Variants in NELL2 observed in about 807,000 individuals in gnomAD.
NELL2 encodes the protein neural EGFL like 2.
In NELL2, 41 loss-of-function variants were observed where a neutral mutation model predicts 109.6. The ratio of observed to expected loss-of-function variants is 0.37; its 90% CI spans 0.29 to 0.49. NELL2 has a LOEUF of 0.49. NELL2 is among the 20% of genes least tolerant of loss of function. NELL2 has a pLI of 0.98. For synonymous variants in NELL2, 355 were observed against 344.7 expected (o/e 1.03, Z -0.33); for missense variants, 900 against 1,008.3 (o/e 0.89, Z 1.45).
intron 2 of NELL2, among the ~76,000 whole-genome samples, chr12:44,830,152 C>A (rs945164597): frequency 3.3e-5 from 5 of 152,100 alleles, no homozygotes; most frequent in Non-Finnish European, 7.4e-5. Context: ...AAAATAATGA[C>A]ATATAAAATA....
intron 19 of NELL2, among the ~76,000 whole-genome samples, chr12:44,515,889 C>G (rs181483927): frequency 6.6e-6 from 1 of 151,754 alleles, no homozygotes; most frequent in African/African-American, 2.4e-5. Context: ...TTTTTTAATC[C>G]TATTACTATT....
chr12:44,538,703 G>A (rs1404569744), intron 15 of NELL2, among the ~76,000 whole-genome samples: 2 of 152,006 alleles, frequency 1.3e-5, no homozygotes, highest in East Asian at 1.9e-4. Context: ...ATTTCAACTC[G>A]GGAAAAAGTG....
At chr12:44,523,046 C>T in intron 17 of NELL2, 1 of 517,394 alleles carries the variant, frequency 1.9e-6, no homozygotes, top group Non-Finnish European at 3.5e-6. Flanking sequence ...TTATATGAGG[C>T]TCTAGAAAAT....
chr12:44,837,986 T>C (rs1268610374), intron 2 of NELL2, among the ~76,000 whole-genome samples: 1 of 152,232 alleles, frequency 6.6e-6, no homozygotes, highest in Non-Finnish European at 1.5e-5. Flanking sequence ...ATGTGAACTA[T>C]GGCCTTTGTG....
At chr12:44,587,304 TATA>T (rs1195949564) in intron 15 of NELL2, among the ~76,000 whole-genome samples, 1 of 115,894 alleles carries the variant, frequency 8.6e-6, no homozygotes, top group African/African-American at 3.9e-5. Flanking sequence ...TATATATATA[TATA>T]TTTTTTTTTA....
At chr12:44,519,669 AT>A (rs1238865180) in intron 19 of NELL2, among the ~76,000 whole-genome samples, 1 of 152,240 alleles carries the variant, frequency 6.6e-6, no homozygotes, top group Non-Finnish European at 1.5e-5. Flanking sequence ...GTCTCCTATC[AT>A]GAAAGAAGAA....
intron 1 of NELL2, among the ~76,000 whole-genome samples, chr12:44,889,524 C>T (rs561995475): frequency 1.3e-5 from 2 of 152,102 alleles, no homozygotes; most frequent in South Asian, 2.1e-4. Flanking sequence ...TGGACCCAGC[C>T]GGTGAGCTGG....
chr12:44,775,645 T>G (rs1941729202), intron 8 of NELL2, among the ~76,000 whole-genome samples: 1 of 152,182 alleles, frequency 6.6e-6, no homozygotes, highest in African/African-American at 2.4e-5. Flanking sequence ...CTGGACACAA[T>G]ATTTAATGCT....
intron 13 of NELL2, among the ~76,000 whole-genome samples, chr12:44,611,242 A>T (rs1945610956): frequency 6.6e-6 from 1 of 152,086 alleles, no homozygotes; most frequent in Non-Finnish European, 1.5e-5. Flanking sequence ...AAAGATGAGG[A>T]TTAATTCTAG....
At chr12:44,832,617 A>G (rs1241551003) in intron 2 of NELL2, among the ~76,000 whole-genome samples, 1 of 152,236 alleles carries the variant, frequency 6.6e-6, no homozygotes, top group Non-Finnish European at 1.5e-5. Flanking sequence ...CCAAGTAACT[A>G]AGTAAAAGTT....
At position 44,816,234 on chromosome 12, in the gene NELL2, C is replaced by T. The variant is rs111880993; in HGVS notation, c.185-98G>A. 26 of 1,034,152 alleles carry T rather than the reference C, an allele frequency of 2.5e-5. No homozygotes were observed. In the African/African-American group the frequency reaches 3.6e-4, roughly 14 times the overall value. 64.1% of individuals were successfully genotyped at this position (1,034,152 alleles called of 1,614,324 possible). Reference sequence around the variant, plus strand: ...TTTCAAAAAACTTTATCAAGTTTATCAGTAGCAGCTGATAAATACTGAGTT... The same window carrying T: ...TTTCAAAAAACTTTATCAAGTTTATTAGTAGCAGCTGATAAATACTGAGTT... On this transcript the variant is annotated intron_variant, in intron 2 of 19. Transcript: ENST00000429094.
At chr12:44,858,899 A>G (rs4768577) in intron 2 of NELL2, among the ~76,000 whole-genome samples, 22,144 of 152,230 alleles carry the variant, frequency 0.15, 1,815 homozygotes, top group East Asian at 0.23. Context: ...AAATAGAATG[A>G]TTTCACATTC....
chr12:44,836,899 A>G (rs932369381), intron 2 of NELL2, among the ~76,000 whole-genome samples: 3 of 152,112 alleles, frequency 2.0e-5, no homozygotes, highest in Admixed American at 2.0e-4. Context: ...TTTTGAGAGG[A>G]GGCGGGCATA....
chr12:44,694,520 AACACACACAC>A (rs60024794), intron 12 of NELL2, among the ~76,000 whole-genome samples: 4 of 144,306 alleles, frequency 2.8e-5, no homozygotes, highest in African/African-American at 1.0e-4. Context: ...CACACATACA[AACACACACAC>A]ACACACACAC....
intron 13 of NELL2, among the ~76,000 whole-genome samples, chr12:44,651,768 G>T (rs1374265293): frequency 6.6e-6 from 1 of 152,066 alleles, no homozygotes; most frequent in Non-Finnish European, 1.5e-5. Context: ...CAATTTGTGG[G>T]TCAGACAGAT....
intron 9 of NELL2, among the ~76,000 whole-genome samples, chr12:44,774,103 G>A (rs1941656296): frequency 6.6e-6 from 1 of 152,208 alleles, no homozygotes; most frequent in African/African-American, 2.4e-5. Context: ...GTCTTTTAAA[G>A]TATAAGAAAC....
In NELL2 at chr12:44,901,787, C is replaced by T. The variant is rs148194709; in HGVS notation, c.38+12012G>A. Among the ~76,000 whole-genome samples the T allele has an allele frequency of 3.1e-4, 47 of 152,212 alleles. No homozygotes were observed. The East Asian group carries it at 8.7e-3, about 28-fold the overall frequency. On this transcript the variant is annotated intron_variant, in intron 1 of 20. Transcript: ENST00000333837. Reference sequence around the variant, plus strand: ...AATGGAATCCATCACATAAACAGAACCAATGACAAAAACCACATGATTATC... The same window carrying T: ...AATGGAATCCATCACATAAACAGAATCAATGACAAAAACCACATGATTATC...
intron 9 of NELL2, among the ~76,000 whole-genome samples, chr12:44,743,139 C>G (rs1940101495): frequency 6.6e-6 from 1 of 152,072 alleles, no homozygotes; most frequent in South Asian, 2.1e-4. Context: ...AGCATGGGGA[C>G]CAATATTCAA....
chr12:44,799,409 C>T (rs1942752561), intron 3 of NELL2, among the ~76,000 whole-genome samples: 1 of 151,818 alleles, frequency 6.6e-6, no homozygotes, highest in African/African-American at 2.4e-5. Flanking sequence ...GCCTCTAGTC[C>T]CTGCTGCAAC....
Sources: allele counts gnomAD v4.1 joint callset (sites outside exome capture counted in the v4.1 genomes callset), GRCh38; gene constraint gnomAD v4.1.1; transcripts MANE v1.5; gene names NCBI Gene and HGNC (gene_info 2026-07-23, HGNC 2026-07-21).